Variants in PRICKLE1 observed in about 807,000 individuals in gnomAD.
The protein encoded by PRICKLE1 is prickle planar cell polarity protein 1.
Under a neutral mutation model 70.2 loss-of-function variants are expected in PRICKLE1, and 14 were observed. That is an observed-to-expected ratio of 0.20 (90% CI 0.13 to 0.31). The LOEUF (loss-of-function observed/expected upper bound fraction) is 0.31, where lower values mean the gene tolerates loss of function less well. Ranked by LOEUF, PRICKLE1 falls within the 10% of genes least tolerant of loss-of-function variation. PRICKLE1 has a pLI of 1.00. For missense variants in PRICKLE1, 821 were observed against 1,026.2 expected (o/e 0.80, Z 2.73); for synonymous variants, 357 against 379.9 (o/e 0.94, Z 0.70).
rs115066937 is a variant in PRICKLE1 at position 42,572,841 on chromosome 12, T to A, written c.-49+16624A>T. On this transcript the variant is annotated intron_variant, in intron 1 of 7. Coordinates refer to ENST00000345127, the MANE Select transcript of PRICKLE1 (RefSeq NM_153026.3). Reference sequence around the variant, plus strand: ...AGACTCTGTCTCAAAGGAAAAAAAATTTTAATAAAATCATACCCATTCCTA... The same window carrying A: ...AGACTCTGTCTCAAAGGAAAAAAAAATTTAATAAAATCATACCCATTCCTA... Among the ~76,000 whole-genome samples the A allele has an allele frequency of 2.7e-3, 411 of 152,052 alleles. 1 individual carries two copies. The highest frequency in any genetic ancestry group is 9.5e-3 in the African/African-American group (392 of 41,478).
At chr12:42,531,090 A>G (rs1408148638) in intron 1 of PRICKLE1, among the ~76,000 whole-genome samples, 2 of 112,070 alleles carry the variant, frequency 1.8e-5, no homozygotes, top group African/African-American at 7.2e-5. Flanking sequence ...TCTGTCTCCC[A>G]GGCTGGAGTA....
chr12:42,539,554 G>A (rs566547873), intron 1 of PRICKLE1, among the ~76,000 whole-genome samples: 2 of 151,994 alleles, frequency 1.3e-5, no homozygotes, highest in East Asian at 3.9e-4. Flanking sequence ...GAAATAGAGA[G>A]CAATGTCTTT....
intron 5 of PRICKLE1, among the ~76,000 whole-genome samples, chr12:42,467,046 T>C (rs1938121974): frequency 6.6e-6 from 1 of 152,220 alleles, no homozygotes; most frequent in Non-Finnish European, 1.5e-5. Flanking sequence ...CCCAGCTAAT[T>C]TGAAAAACAT....
chr12:42,512,808 C>T (rs1313933029), intron 1 of PRICKLE1, among the ~76,000 whole-genome samples: 1 of 152,052 alleles, frequency 6.6e-6, no homozygotes, highest in Non-Finnish European at 1.5e-5. Flanking sequence ...CAGGCATGTG[C>T]CACCACGTTC....
chr12:42,462,905 C>T (rs1937914631), intron 7 of PRICKLE1, among the ~76,000 whole-genome samples: 1 of 152,206 alleles, frequency 6.6e-6, no homozygotes, highest in African/African-American at 2.4e-5. Flanking sequence ...TAATGTTTGG[C>T]ATTTAGCCTT....
chr12:42,477,942 G>GC (rs1938633837), intron 1 of PRICKLE1, among the ~76,000 whole-genome samples: 1 of 146,734 alleles, frequency 6.8e-6, no homozygotes, highest in Non-Finnish European at 1.5e-5. Flanking sequence ...ACTAACAGTG[G>GC]CCCTGCCCTA....
chr12:42,530,067 C>T (rs1195550732), intron 1 of PRICKLE1, among the ~76,000 whole-genome samples: 15 of 151,880 alleles, frequency 9.9e-5, no homozygotes, highest in Non-Finnish European at 2.2e-4. Context: ...CCTCAGCCTC[C>T]CGAGTAGCTG....
chr12:42,574,529 T>TG, intron 1 of PRICKLE1, among the ~76,000 whole-genome samples: 1 of 152,182 alleles, frequency 6.6e-6, no homozygotes, highest in South Asian at 2.1e-4. Context: ...CTACAAAATA[T>TG]TTATCACACA....
At chr12:42,581,496 G>A (rs1170207742) in intron 1 of PRICKLE1, among the ~76,000 whole-genome samples, 1 of 152,018 alleles carries the variant, frequency 6.6e-6, no homozygotes, top group Non-Finnish European at 1.5e-5. Flanking sequence ...TGTAATCCCA[G>A]TACTTTGGGA....
intron 1 of PRICKLE1, among the ~76,000 whole-genome samples, chr12:42,559,443 C>A (rs994377560): frequency 6.6e-6 from 1 of 151,306 alleles, no homozygotes; most frequent in South Asian, 2.1e-4. Context: ...TGCAGTGGTG[C>A]GATCATAGAT....
At chr12:42,558,599 G>A (rs1940451584) in intron 1 of PRICKLE1, among the ~76,000 whole-genome samples, 1 of 152,244 alleles carries the variant, frequency 6.6e-6, no homozygotes, top group Non-Finnish European at 1.5e-5. Flanking sequence ...GTGGATGCCA[G>A]CCGTGAGTGA....
chr12:42,475,104 C>A (rs1938471321), intron 1 of PRICKLE1, among the ~76,000 whole-genome samples: 1 of 152,230 alleles, frequency 6.6e-6, no homozygotes, highest in African/African-American at 2.4e-5. Flanking sequence ...ACCATCCCCT[C>A]CTCCCAATCA....
At chr12:42,506,724 C>T (rs1939426530) in intron 1 of PRICKLE1, among the ~76,000 whole-genome samples, 1 of 151,806 alleles carries the variant, frequency 6.6e-6, no homozygotes, top group African/African-American at 2.4e-5. Context: ...AGGTACCCAC[C>T]ACCATGCCCG....
Position 42,470,323 on chromosome 12 carries a change from C to CT in PRICKLE1, c.168dup (p.Val57SerfsTer5). On this transcript the variant is annotated frameshift_variant, in exon 3 of 8. Coordinates refer to ENST00000345127, the MANE Select transcript of PRICKLE1 (RefSeq NM_153026.3). LOFTEE classifies it high-confidence loss of function. ...TCTCCGGGGCTGTTAACGTAAGGAACTTTTTCCTCTGGTAAGCAAGCAAAA... is the reference window on the plus strand; with the variant it reads ...TCTCCGGGGCTGTTAACGTAAGGAACTTTTTTCCTCTGGTAAGCAAGCAAAA... The CT allele has an allele frequency of 1.2e-6, 2 of 1,614,064 alleles. No individual in the cohort carries two copies. The highest frequency in any genetic ancestry group is 1.7e-6 in the Non-Finnish European group (2 of 1,179,954).
chr12:42,486,284 C>A (rs1282703226), intron 1 of PRICKLE1, among the ~76,000 whole-genome samples: 1 of 152,218 alleles, frequency 6.6e-6, no homozygotes, highest in Non-Finnish European at 1.5e-5. Flanking sequence ...GTTTATCGTT[C>A]GTTGTCTTTC....
intron 2 of PRICKLE1, among the ~76,000 whole-genome samples, chr12:42,471,193 G>C (rs565058020): frequency 6.6e-6 from 1 of 152,246 alleles, no homozygotes; most frequent in East Asian, 1.9e-4. Flanking sequence ...CCTGAAGTCA[G>C]CCTCCCCAGG....
In PRICKLE1 at chr12:42,572,232, G is replaced by A. The variant is rs536515736; in HGVS notation, c.-49+17233C>T. 1.8e-4 allele frequency among the ~76,000 whole-genome samples: 27 copies of A among 152,034 alleles called. No individual in the cohort carries two copies. In the South Asian group the frequency reaches 4.0e-3, roughly 22 times the overall value. On this transcript the variant is annotated intron_variant, in intron 1 of 7. Coordinates refer to ENST00000345127, the MANE Select transcript of PRICKLE1 (RefSeq NM_153026.3). ...GCGGATTACTTGAGGCCAGGAGTTCGAGACCAGCCTGGCCAACATGGTGAA... is the reference window on the plus strand; with the variant it reads ...GCGGATTACTTGAGGCCAGGAGTTCAAGACCAGCCTGGCCAACATGGTGAA...
intron 1 of PRICKLE1, among the ~76,000 whole-genome samples, chr12:42,557,908 T>C (rs1566125733): frequency 6.6e-6 from 1 of 152,216 alleles, no homozygotes; most frequent in Admixed American, 6.5e-5. Context: ...TAAGAGACTG[T>C]TGCTTTCAGA....
chr12:42,487,543 G>A (rs1012941352), intron 1 of PRICKLE1, among the ~76,000 whole-genome samples: 2 of 152,108 alleles, frequency 1.3e-5, no homozygotes, highest in African/African-American at 4.8e-5. Context: ...TCCTTTGTGA[G>A]GGAGGTAAAC....
Sources: allele counts gnomAD v4.1 joint callset (sites outside exome capture counted in the v4.1 genomes callset), GRCh38; gene constraint gnomAD v4.1.1; transcripts MANE v1.5; gene names NCBI Gene and HGNC (gene_info 2026-07-23, HGNC 2026-07-21).